PAK2: variants seen among roughly 807,000 people sequenced by gnomAD.
The protein encoded by PAK2 is p21 (RAC1) activated kinase 2, also known as serine/threonine-protein kinase PAK 2.
A neutral mutation model predicts 65.9 loss-of-function variants in PAK2; 21 were observed. That is an observed-to-expected ratio of 0.32 (90% CI 0.23 to 0.46). The LOEUF (loss-of-function observed/expected upper bound fraction) is 0.46. Ranked by LOEUF, PAK2 falls within the 20% of genes least tolerant of loss-of-function variation. The pLI is 1.00. For missense variants in PAK2, 324 were observed against 642.6 expected (o/e 0.50, Z 5.36); for synonymous variants, 204 against 219.7 (o/e 0.93, Z 0.63).
chr3:196,751,518 G>A (rs1047445802), intron 1 of PAK2, among the ~76,000 whole-genome samples: 1 of 150,270 alleles, frequency 6.7e-6, no homozygotes, highest in Non-Finnish European at 1.5e-5. Flanking sequence ...GTGGTGGCAC[G>A]CACCTGTAAT....
Position 196,759,525 on chromosome 3 carries a change from T to G in PAK2, c.-22+19368T>G, listed in dbSNP as rs866236517. Among the ~76,000 whole-genome samples, 1,062 of 131,554 alleles carry G rather than the reference T, an allele frequency of 8.1e-3. 21 individuals carry two copies. The highest frequency in any genetic ancestry group is 0.013 in the Non-Finnish European group (787 of 61,688). 86.3% of individuals were successfully genotyped at this position (131,554 alleles called of 152,430 possible). On this transcript the variant is annotated intron_variant, in intron 1 of 14. Transcript: ENST00000327134. ...TTTTTTTTTTTTTTTTTTTTTTTTT[T>G]TTTTTTTTTTTTGAGATAGAGTCTT...
At chr3:196,787,787 T>C (rs1281271628) in intron 2 of PAK2, among the ~76,000 whole-genome samples, 4 of 152,176 alleles carry the variant, frequency 2.6e-5, no homozygotes, top group Non-Finnish European at 5.9e-5. Flanking sequence ...TCCTCCTGTT[T>C]CCTGGAGCTC....
At chr3:196,827,080 G>C (rs1312158594) in intron 13 of PAK2, 116 bp from the exon 14 acceptor site, 2 of 582,320 alleles carry the variant, frequency 3.4e-6, no homozygotes, top group African/African-American at 3.9e-5. Flanking sequence ...GATAACCCCA[G>C]TTTAGTATTT....
intron 13 of PAK2, among the ~76,000 whole-genome samples, chr3:196,826,622 A>G (rs1278315595): frequency 6.6e-6 from 1 of 151,842 alleles, no homozygotes; most frequent in Admixed American, 6.6e-5. Context: ...ACATTGTTTT[A>G]TTTTTTAAAG....
intron 1 of PAK2, among the ~76,000 whole-genome samples, chr3:196,776,464 G>T (rs573357950): frequency 6.6e-6 from 1 of 152,240 alleles, no homozygotes; most frequent in East Asian, 1.9e-4. Flanking sequence ...CGGTTGTTCA[G>T]ACTTCGTATT....
At chr3:196,769,709 G>A (rs1455739756) in intron 1 of PAK2, among the ~76,000 whole-genome samples, 1 of 151,778 alleles carries the variant, frequency 6.6e-6, no homozygotes, top group African/African-American at 2.4e-5. Context: ...TCCAGCTACT[G>A]GGGAAGCTGA....
chr3:196,769,575 G>T (rs1435593054), intron 1 of PAK2, among the ~76,000 whole-genome samples: 1 of 151,674 alleles, frequency 6.6e-6, no homozygotes, highest in Non-Finnish European at 1.5e-5. Context: ...GCTTTGGGAG[G>T]CCAAGGCGGG....
In PAK2 at chr3:196,739,935, T is replaced by C. The variant is rs1713125475; in HGVS notation, c.-244T>C. The C allele has an allele frequency of 6.6e-6, 1 of 151,896 alleles. No homozygotes were observed. The highest frequency in any genetic ancestry group is 1.5e-5 in the Non-Finnish European group (1 of 67,936). 9.4% of individuals were successfully genotyped at this position (151,896 alleles called of 1,614,324 possible). A position where few individuals can be genotyped will look rare whatever the true frequency, so the allele number is the denominator to read the frequency against. ...CCCCTCCGGCCCGGGCCGTCGCCAT[T>C]GCCGAAGGCTCCCTCCCCTCCCCTC... On this transcript the variant is annotated 5_prime_UTR_variant, in exon 1 of 15. Transcript: ENST00000327134.
chr3:196,825,891 G>A (rs1711846586), intron 13 of PAK2, among the ~76,000 whole-genome samples: 1 of 152,018 alleles, frequency 6.6e-6, no homozygotes, highest in African/African-American at 2.4e-5. Flanking sequence ...TGTCCAGGCT[G>A]GAGTTACAGT....
chr3:196,816,118 T>C (rs1463623420), intron 11 of PAK2, among the ~76,000 whole-genome samples: 1 of 152,008 alleles, frequency 6.6e-6, no homozygotes, highest in East Asian at 1.9e-4. Flanking sequence ...TAGGAATCAC[T>C]GTCACAAAGG....
chr3:196,754,706 C>T (rs548590799), intron 1 of PAK2, among the ~76,000 whole-genome samples: 1 of 152,304 alleles, frequency 6.6e-6, no homozygotes, highest in South Asian at 2.1e-4. Flanking sequence ...TCGGGTTTTC[C>T]TGCCCTTACA....
intron 13 of PAK2, among the ~76,000 whole-genome samples, chr3:196,821,211 C>T (rs889349303): frequency 2.6e-5 from 4 of 151,936 alleles, no homozygotes; most frequent in Admixed American, 1.3e-4. Flanking sequence ...AAATCAAAAC[C>T]TCAACAATCA....
rs1021337197 is a variant in PAK2 at position 196,791,070 on chromosome 3, C to T, written c.187+8237C>T. Reference sequence around the variant, plus strand: ...TTTTCTATTCCTATAATTTCTTCTGCCATCCTGACTGAACCCCCACATCTA... The same window carrying T: ...TTTTCTATTCCTATAATTTCTTCTGTCATCCTGACTGAACCCCCACATCTA... On this transcript the variant is annotated intron_variant, in intron 2 of 14. Transcript: ENST00000327134. The surrounding 1 kb of genome is among the most constrained non-coding windows in gnomAD (Gnocchi z 4.0). 2.0e-5 allele frequency among the ~76,000 whole-genome samples: 3 copies of T among 152,180 alleles called. No homozygotes were observed. The highest frequency in any genetic ancestry group is 2.9e-5 in the Non-Finnish European group (2 of 68,042).
intron 1 of PAK2, among the ~76,000 whole-genome samples, chr3:196,752,745 C>T (rs1577697287): frequency 6.6e-6 from 1 of 152,098 alleles, no homozygotes; most frequent in Middle Eastern, 3.4e-3. Flanking sequence ...GGATTACAGG[C>T]GTGTACCACC....
intron 1 of PAK2, among the ~76,000 whole-genome samples, chr3:196,744,932 C>T (rs200184083): frequency 6.8e-6 from 1 of 147,158 alleles, no homozygotes; most frequent in African/African-American, 2.5e-5. Context: ...TTTCTTTTTT[C>T]TTTTTTTTTT....
chr3:196,812,126 C>T, intron 8 of PAK2, 93 bp from the exon 9 acceptor site: 4 of 775,458 alleles, frequency 5.2e-6, no homozygotes, highest in Middle Eastern at 2.3e-4. Context: ...TTCTTTAATT[C>T]TTTTTCAATT....
chr3:196,757,094 A>ATT (rs1210645439), intron 1 of PAK2, among the ~76,000 whole-genome samples: 1 of 152,278 alleles, frequency 6.6e-6, no homozygotes, highest in Non-Finnish European at 1.5e-5. Flanking sequence ...CCGATTGGCT[A>ATT]TTTTAAAGAG....
At position 196,807,835 on chromosome 3, in the gene PAK2, T is replaced by C. The variant is rs144954628; in HGVS notation, c.630T>C (p.His210=). The part of the protein sequence containing the change: ...DPVPAPVGDS[H]VDGAAKSLDK... ...TTCCTGCACCAGTTGGTGATTCACA[T>C]GTTGATGGTGCTGCCAAGTCTTTAG... Residue 210 remains histidine (H), a synonymous_variant, in exon 7 of 15, where the codon CAT becomes CAC. Transcript: ENST00000327134. The C allele has an allele frequency of 0.012, 19,864 of 1,612,654 alleles. 806 individuals carry two copies. In the Admixed American group the frequency reaches 0.14, roughly 12 times the overall value.
rs1023923994 is a variant in PAK2, at chr3:196,814,989, C to T, written c.1053+421C>T. Among the ~76,000 whole-genome samples the T allele has an allele frequency of 4.6e-5, 7 of 151,260 alleles. No homozygotes were observed. In the East Asian group the frequency reaches 1.4e-3, roughly 30 times the overall value. On this transcript the variant is annotated intron_variant, in intron 11 of 14. Coordinates refer to ENST00000327134, the MANE Select transcript of PAK2 (RefSeq NM_002577.4). ...GGTCAGGAGATCGAGACCATCCTGG[C>T]TAACACGGTGAAACCCTGTCTCTAC...
Sources: allele counts gnomAD v4.1 joint callset (sites outside exome capture counted in the v4.1 genomes callset), GRCh38; gene constraint gnomAD v4.1.1; non-coding constraint Gnocchi (gnomAD v3.1); transcripts MANE v1.5; gene names NCBI Gene and HGNC (gene_info 2026-07-23, HGNC 2026-07-21).